Variants in CACNB2 observed in about 807,000 individuals in gnomAD.
The protein encoded by CACNB2 is calcium voltage-gated channel auxiliary subunit beta 2.
In CACNB2, 42 loss-of-function variants were observed where a neutral mutation model predicts 73.3. The observed-to-expected ratio is 0.57, with a 90% CI of 0.45 to 0.74. The LOEUF is 0.74. Ranked by LOEUF, CACNB2 falls within the 30% of genes least tolerant of loss-of-function variation. The pLI, the probability that CACNB2 is intolerant of heterozygous loss-of-function variation, is 0.00. For missense variants in CACNB2, 940 were observed against 853.0 expected (o/e 1.10, Z -1.27); for synonymous variants, 348 against 310.3 (o/e 1.12, Z -1.28).
At position 18,150,855 on chromosome 10, in the gene CACNB2, CTTTTTTTTTTT is replaced by C. The variant is rs71402148; in HGVS notation, c.121-13_121-3del. 13 of 484,680 alleles carry C rather than the reference CTTTTTTTTTTT, an allele frequency of 2.7e-5. No individual in the cohort carries two copies. The highest frequency in any genetic ancestry group is 8.9e-5 in the African/African-American group (2 of 22,372). 30.0% of individuals were successfully genotyped at this position (484,680 alleles called of 1,614,324 possible). On this transcript the variant is annotated splice_polypyrimidine_tract_variant and intron_variant, in intron 1 of 13. Coordinates refer to ENST00000324631, the MANE Select transcript of CACNB2 (RefSeq NM_201596.3). ...AGGGTCTCATAATAATCTTATTTGT[CTTTTTTTTTTT>C]TTTTTTTTTTTTTTAGTCATATGGA... is the stretch of plus-strand genomic sequence containing the variant.
chr10:18,203,313 G>A (rs1008169457), intron 2 of CACNB2, among the ~76,000 whole-genome samples: 3 of 152,170 alleles, frequency 2.0e-5, no homozygotes, highest in African/African-American at 7.2e-5. Context: ...AGCCGGGCAG[G>A]TTAGCATGGA....
At chr10:18,354,040 G>A (rs1451362942) in intron 2 of CACNB2, among the ~76,000 whole-genome samples, 1 of 152,140 alleles carries the variant, frequency 6.6e-6, no homozygotes, top group Non-Finnish European at 1.5e-5. Context: ...TGTATAGTCT[G>A]TCAAAAAACT....
chr10:18,520,837 C>T lies in CACNB2; in HGVS notation c.944+1869C>T, dbSNP rs551895824. On this transcript the variant is annotated intron_variant, in intron 9 of 13. Transcript: ENST00000324631. ...TCCCTCAGATATTCTCCTTGGTATA[C>T]GTGTGTACATGTATGCACACATACA... Among the ~76,000 whole-genome samples, 8 of 152,298 alleles carry T rather than the reference C, an allele frequency of 5.3e-5. No individual in the cohort carries two copies. The East Asian group carries it at 1.2e-3, about 22-fold the overall frequency.
intron 2 of CACNB2, among the ~76,000 whole-genome samples, chr10:18,198,408 G>A (rs2034723466): frequency 6.6e-6 from 1 of 152,048 alleles, no homozygotes; most frequent in East Asian, 1.9e-4. Flanking sequence ...GGGGCTAGTA[G>A]CCATCAATCT....
intron 2 of CACNB2, among the ~76,000 whole-genome samples, chr10:18,249,745 A>G (rs1245191409): frequency 6.6e-6 from 1 of 152,174 alleles, no homozygotes; most frequent in Non-Finnish European, 1.5e-5. Flanking sequence ...AAGACCATCT[A>G]TATGCCACCT....
At chr10:18,504,452 G>C (rs1488550426) in intron 5 of CACNB2, among the ~76,000 whole-genome samples, 1 of 151,854 alleles carries the variant, frequency 6.6e-6, no homozygotes, top group East Asian at 1.9e-4. Flanking sequence ...TTTCCCTTAG[G>C]ACTCTGAGTT....
At chr10:18,386,219 G>T (rs7078741) in intron 2 of CACNB2, among the ~76,000 whole-genome samples, 81,145 of 151,666 alleles carry the variant, frequency 0.54, 22,330 homozygotes, top group East Asian at 0.94. Flanking sequence ...TCTTTTTCTG[G>T]GAATGTCTCT....
intron 2 of CACNB2, among the ~76,000 whole-genome samples, chr10:18,320,833 T>C (rs936538829): frequency 1.3e-5 from 2 of 152,190 alleles, no homozygotes; most frequent in Admixed American, 6.5e-5. Context: ...ATTTGTCTGA[T>C]TTTTTTGCAC....
intron 2 of CACNB2, among the ~76,000 whole-genome samples, chr10:18,227,429 G>A (rs1287303443): frequency 6.6e-6 from 1 of 152,096 alleles, no homozygotes; most frequent in Non-Finnish European, 1.5e-5. Context: ...ACCCCAGCTC[G>A]GAATGAACTG....
intron 2 of CACNB2, among the ~76,000 whole-genome samples, chr10:18,221,436 T>C (rs1274545570): frequency 6.6e-6 from 1 of 152,180 alleles, no homozygotes; most frequent in East Asian, 1.9e-4. Flanking sequence ...GCCAGCACTT[T>C]GGGAGGCTGA....
rs139762180 is a variant in CACNB2 at position 18,242,993 on chromosome 10, G to A, written c.213+92018G>A. Among the ~76,000 whole-genome samples, 320 of 132,246 alleles carry A rather than the reference G, an allele frequency of 2.4e-3. 1 individual carries two copies. The highest frequency in any genetic ancestry group is 3.8e-3 in the Non-Finnish European group (244 of 64,134). The allele number at this position is 132,246 out of a possible 152,430, so 86.8% of individuals were successfully genotyped here. A position where few individuals can be genotyped will look rare whatever the true frequency, so the allele number is the denominator to read the frequency against. ...CCACTGCACTCCAGCCTGGGCGACA[G>A]AGCAAGACTGTCTCAAAAAAAAAAA... On this transcript the variant is annotated intron_variant, in intron 2 of 13. Coordinates refer to ENST00000324631, the MANE Select transcript of CACNB2 (RefSeq NM_201596.3).
intron 2 of CACNB2, among the ~76,000 whole-genome samples, chr10:18,343,616 A>G (rs1309548577): frequency 2.0e-5 from 3 of 152,206 alleles, no homozygotes; most frequent in African/African-American, 2.4e-5. Context: ...ATGCCTTCCT[A>G]TATTTTCTGC....
At chr10:18,180,479 A>G (rs2033817587) in intron 2 of CACNB2, among the ~76,000 whole-genome samples, 1 of 151,412 alleles carries the variant, frequency 6.6e-6, no homozygotes, top group Non-Finnish European at 1.5e-5. Context: ...CTGCCTTTTA[A>G]CCTTGGGTCT....
intron 2 of CACNB2, among the ~76,000 whole-genome samples, chr10:18,182,531 A>C (rs77442831): frequency 0.047 from 6,891 of 147,018 alleles, 514 homozygotes; most frequent in African/African-American, 0.16. Context: ...AAAAAAAAAA[A>C]ATCACCCAGG....
At chr10:18,309,951 G>T (rs2039893614) in intron 2 of CACNB2, among the ~76,000 whole-genome samples, 1 of 152,168 alleles carries the variant, frequency 6.6e-6, no homozygotes, top group Admixed American at 6.6e-5. Context: ...ATTTAGAAAT[G>T]AATAAAGTTA....
At chr10:18,426,133 A>G (rs1472951775) in intron 3 of CACNB2, among the ~76,000 whole-genome samples, 1 of 152,230 alleles carries the variant, frequency 6.6e-6, no homozygotes, top group Non-Finnish European at 1.5e-5. Context: ...AAAAAAGAAA[A>G]AGAAAAAACA....
chr10:18,515,584 T>C (rs890604016), intron 7 of CACNB2, among the ~76,000 whole-genome samples: 8 of 152,248 alleles, frequency 5.3e-5, no homozygotes, highest in African/African-American at 1.2e-4. Context: ...TTTTTTTGAA[T>C]CAATTATGAT....
At chr10:18,404,506 A>G (rs1245432881) in intron 3 of CACNB2, among the ~76,000 whole-genome samples, 1 of 152,230 alleles carries the variant, frequency 6.6e-6, no homozygotes, top group South Asian at 2.1e-4. Context: ...AAATAGTTAA[A>G]AACACTTTGC....
At chr10:18,526,493 T>A (rs1178072830) in intron 9 of CACNB2, among the ~76,000 whole-genome samples, 1 of 152,218 alleles carries the variant, frequency 6.6e-6, no homozygotes, top group Non-Finnish European at 1.5e-5. Context: ...TGAAACAGAC[T>A]TTTGAACCAA....
Sources: allele counts gnomAD v4.1 joint callset (sites outside exome capture counted in the v4.1 genomes callset), GRCh38; gene constraint gnomAD v4.1.1; transcripts MANE v1.5; gene names NCBI Gene and HGNC (gene_info 2026-07-23, HGNC 2026-07-21).